MTMR8: variants seen among roughly 807,000 people sequenced by gnomAD.
MTMR8 encodes phosphatidylinositol-3,5-bisphosphate 3-phosphatase MTMR8.
A neutral mutation model predicts 39.3 loss-of-function variants in MTMR8; 65 were observed. The observed-to-expected ratio is 1.65, with a 90% CI of 1.35 to 2.03. The LOEUF (loss-of-function observed/expected upper bound fraction) is 2.03. Among genes scored for constraint, MTMR8 ranks in the 30% most tolerant of loss-of-function variants. The probability of loss-of-function intolerance (pLI) is 0.00; values close to 1 mark genes in which losing one functional copy is unlikely to be tolerated. For missense variants in MTMR8, 777 were observed against 538.9 expected (o/e 1.44, Z -4.37); for synonymous variants, 245 against 185.2 (o/e 1.32, Z -2.62).
chrX:64,366,657 C>T (rs191205409), intron 1 of MTMR8, among the ~76,000 whole-genome samples: 24 of 111,552 alleles, frequency 2.2e-4, no homozygotes, highest in Middle Eastern at 9.4e-3. Flanking sequence ...GAAAGCAGGA[C>T]GGATCTAAAT....
intron 12 of MTMR8, among the ~76,000 whole-genome samples, chrX:64,279,987 G>A (rs1484628142): frequency 8.9e-6 from 1 of 111,852 alleles, no homozygotes; most frequent in Non-Finnish European, 1.9e-5. Context: ...ACCCTCCCAA[G>A]ACTAAACCAG....
At chrX:64,366,774 G>A (rs1165996949) in intron 1 of MTMR8, among the ~76,000 whole-genome samples, 3 of 111,452 alleles carry the variant, frequency 2.7e-5, no homozygotes, top group Middle Eastern at 4.6e-3. Context: ...AACCGAAGGA[G>A]ATAGAGACAA....
At chrX:64,377,902 A>G (rs183135428) in intron 1 of MTMR8, among the ~76,000 whole-genome samples, 2 of 111,660 alleles carry the variant, frequency 1.8e-5, no homozygotes, top group Non-Finnish European at 3.8e-5. Flanking sequence ...CATGGGGCAG[A>G]CTTCCCCCTT....
intron 1 of MTMR8, among the ~76,000 whole-genome samples, chrX:64,392,537 T>G (rs898448338): frequency 1.8e-5 from 2 of 111,876 alleles, no homozygotes; most frequent in African/African-American, 6.5e-5. Context: ...GGGAGGGGTA[T>G]TGACTGGAAG....
At chrX:64,299,530 G>C (rs1314601479) in intron 12 of MTMR8, among the ~76,000 whole-genome samples, 3 of 91,685 alleles carry the variant, frequency 3.3e-5, no homozygotes, top group South Asian at 6.0e-4. Flanking sequence ...CAAAAAACCA[G>C]CTCCTGGATT....
intron 12 of MTMR8, among the ~76,000 whole-genome samples, chrX:64,287,454 GA>G (rs1157394272): frequency 3.0e-4 from 33 of 110,965 alleles, no homozygotes; most frequent in African/African-American, 1.1e-3. Context: ...CACAGAATTG[GA>G]AAAAACTACT....
At chrX:64,363,809 G>A (rs1201455060) in intron 1 of MTMR8, among the ~76,000 whole-genome samples, 4 of 111,847 alleles carry the variant, frequency 3.6e-5, no homozygotes, top group African/African-American at 6.5e-5. Context: ...GGAAGTGCAA[G>A]GGGTGGGAGA....
chrX:64,281,432 C>A (rs1186644387), intron 12 of MTMR8, among the ~76,000 whole-genome samples: 1 of 111,548 alleles, frequency 9.0e-6, no homozygotes. Context: ...ACAAACCTGA[C>A]AACAACAAGT....
chrX:64,292,759 T>C (rs189178354), intron 12 of MTMR8, among the ~76,000 whole-genome samples: 12 of 111,614 alleles, frequency 1.1e-4, no homozygotes, highest in Non-Finnish European at 1.7e-4. Context: ...CCTGACTATA[T>C]ATACAGAATG....
At chrX:64,303,567 A>C (rs778422515) in intron 12 of MTMR8, among the ~76,000 whole-genome samples, 2 of 112,397 alleles carry the variant, frequency 1.8e-5, no homozygotes, top group Non-Finnish European at 3.8e-5. Flanking sequence ...TTGTGCTCAA[A>C]GGGGAAGGCA....
chrX:64,329,989 C>T (rs1351506281), intron 11 of MTMR8, among the ~76,000 whole-genome samples: 1 of 111,690 alleles, frequency 9.0e-6, no homozygotes, highest in African/African-American at 3.2e-5. Context: ...TTAATTTGCT[C>T]AAGGTCACAT....
At chrX:64,321,272 A>G (rs762508020) in intron 12 of MTMR8, among the ~76,000 whole-genome samples, 1 of 112,268 alleles carries the variant, frequency 8.9e-6, no homozygotes, top group Non-Finnish European at 1.9e-5. Context: ...ACAAATTTAA[A>G]TCAACTGTTT....
chrX:64,374,931 G>A (rs1282817782), intron 1 of MTMR8, among the ~76,000 whole-genome samples: 8 of 108,334 alleles, frequency 7.4e-5, no homozygotes, highest in African/African-American at 2.7e-4. Context: ...ATTGGAAGAT[G>A]CAATAAGGAA....
At chrX:64,367,576 C>A (rs1924008683) in intron 1 of MTMR8, among the ~76,000 whole-genome samples, 1 of 111,896 alleles carries the variant, frequency 8.9e-6, no homozygotes, top group Non-Finnish European at 1.9e-5. Flanking sequence ...ATGCTAAAAA[C>A]TCCCAATAAA....
chrX:64,313,887 C>G, intron 12 of MTMR8, among the ~76,000 whole-genome samples: 1 of 112,534 alleles, frequency 8.9e-6, no homozygotes. Context: ...TGTCATAGTT[C>G]TTGCACTCAT....
intron 12 of MTMR8, among the ~76,000 whole-genome samples, chrX:64,288,038 A>C (rs867945357): frequency 1.4e-3 from 113 of 80,827 alleles, no homozygotes; most frequent in Non-Finnish European, 2.3e-3. Flanking sequence ...AAAAAAAAAA[A>C]AAAAAAAAAA....
chrX:64,316,817 A>C (rs1201901815), intron 12 of MTMR8, among the ~76,000 whole-genome samples: 2 of 110,642 alleles, frequency 1.8e-5, no homozygotes, highest in Non-Finnish European at 3.8e-5. Context: ...TGCTGCTTTC[A>C]ATAGTTTGTT....
chrX:64,297,457 G>C (rs1282604922), intron 12 of MTMR8, among the ~76,000 whole-genome samples: 1 of 89,040 alleles, frequency 1.1e-5, no homozygotes, highest in African/African-American at 4.2e-5. Context: ...ATTTGTTTGA[G>C]TTCATTGTAG....
intron 12 of MTMR8, among the ~76,000 whole-genome samples, chrX:64,290,934 C>T (rs2147138901): frequency 9.0e-6 from 1 of 111,725 alleles, no homozygotes; most frequent in African/African-American, 3.2e-5. Flanking sequence ...TAGAGGTTTT[C>T]ATATAAACAG....
Sources: gnomAD v4.1 joint callset for allele counts (sites outside exome capture counted in the v4.1 genomes callset) on GRCh38, gnomAD v4.1.1 for gene constraint, MANE v1.5 for transcripts, NCBI Gene and HGNC (gene_info 2026-07-23, HGNC 2026-07-21) for gene names.